Variants in TANC2 observed in about 807,000 individuals in gnomAD.
The protein encoded by TANC2 is tetratricopeptide repeat, ankyrin repeat and coiled-coil containing 2, also known as protein TANC2.
Under a neutral mutation model 210.5 loss-of-function variants are expected in TANC2, and 26 were observed. That is an observed-to-expected ratio of 0.12 (90% CI 0.09 to 0.17). The LOEUF (loss-of-function observed/expected upper bound fraction) is 0.17, where lower values mean the gene tolerates loss of function less well. Among genes scored for constraint, TANC2 ranks in the 10% least tolerant of loss-of-function variants. The probability of loss-of-function intolerance (pLI) is 1.00; values close to 1 mark genes in which losing one functional copy is unlikely to be tolerated. For synonymous variants in TANC2, 931 were observed against 967.1 expected, an observed-to-expected ratio of 0.96 and a Z score of 0.69; for missense variants, 2,129 against 2,608.9, an observed-to-expected ratio of 0.82 and a Z score of 4.01.
In TANC2 at chr17:63,050,202, T is replaced by TA. The variant is rs371775053; in HGVS notation, c.68-23739dup. 1.4e-3 allele frequency among the ~76,000 whole-genome samples: 207 copies of TA among 151,778 alleles called. 1 individual carries two copies. The highest frequency in any genetic ancestry group is 4.8e-3 in the African/African-American group (200 of 41,410). On this transcript the variant is annotated intron_variant, in intron 2 of 27. Coordinates refer to ENST00000689528, the Ensembl canonical transcript of TANC2. ...CCCCATCTTAAAGGGGCCTTAAGCATAACCTCCAAAATAAAAATTAGCCAG... is the reference window on the plus strand; with the variant it reads ...CCCCATCTTAAAGGGGCCTTAAGCATAAACCTCCAAAATAAAAATTAGCCAG...
intron 4 of TANC2, among the ~76,000 whole-genome samples, chr17:63,138,690 C>G (rs964161990): frequency 2.6e-5 from 4 of 152,106 alleles, no homozygotes; most frequent in Non-Finnish European, 5.9e-5. Context: ...ATTTTTCTTT[C>G]TGTGCCAGGT....
intron 5 of TANC2, among the ~76,000 whole-genome samples, chr17:63,182,998 A>G (rs371155739): frequency 7.2e-4 from 109 of 152,360 alleles, no homozygotes; most frequent in African/African-American, 2.5e-3. Flanking sequence ...AATCTAGAGT[A>G]TTTATAAACA....
exon 28 of TANC2, chr17:63,424,114 T>G (rs1180297840): frequency 1.3e-5 from 2 of 152,220 alleles, no homozygotes; most frequent in Non-Finnish European, 2.9e-5. Context: ...GTCAGGAAAG[T>G]GCTCCTGCTC....
chr17:63,420,492 C>A lies in TANC2; in HGVS notation c.4762C>A (p.His1588Asn). The A allele has an allele frequency of 6.2e-7, 1 of 1,613,984 alleles. No individual in the cohort carries two copies. The highest frequency in any genetic ancestry group is 8.5e-7 in the Non-Finnish European group (1 of 1,179,856). The change falls in exon 28 of 28, where the codon CAC becomes AAC. Residue 1588 changes from histidine (H) to asparagine (N), a missense_variant. Physicochemically the swap from His to Asn is moderately conservative, Grantham distance 68. Around this residue, in one of 5 missense-constraint regions of TANC2, gnomAD observed 584 missense variants for 627.3 expected, o/e 0.93. Transcript: ENST00000689528. This position sits in a 1 kb window ranked among gnomAD's most constrained non-coding sequence, Gnocchi z 4.2. ...CTCACATTACAGGCCTAGCCCACCA[C>A]ACACTTCCCCGGCTCATCAGGGAGG... is the stretch of plus-strand genomic sequence containing the variant.
At chr17:63,365,392 T>G (rs2047080873) in intron 14 of TANC2, among the ~76,000 whole-genome samples, 1 of 152,168 alleles carries the variant, frequency 6.6e-6, no homozygotes, top group South Asian at 2.1e-4. Context: ...TCTCTCATGA[T>G]CATAATGACC....
chr17:63,182,237 A>G, intron 5 of TANC2: 1 of 178,024 alleles, frequency 5.6e-6, no homozygotes, highest in South Asian at 1.3e-4. Context: ...CAAGGTTATT[A>G]AAGAGGCATA....
chr17:63,249,911 A>G (rs1017915634), intron 8 of TANC2, among the ~76,000 whole-genome samples: 2 of 152,194 alleles, frequency 1.3e-5, no homozygotes, highest in Non-Finnish European at 2.9e-5. Context: ...AAACAATTCA[A>G]ACTGTCTTCC....
intron 2 of TANC2, among the ~76,000 whole-genome samples, chr17:63,013,968 A>T: frequency 6.6e-6 from 1 of 151,164 alleles, no homozygotes; most frequent in East Asian, 1.9e-4. Flanking sequence ...ATCATCTCTG[A>T]CTCTTAACAT....
chr17:63,353,029 G>T (rs779820155), intron 13 of TANC2, among the ~76,000 whole-genome samples: 1 of 152,090 alleles, frequency 6.6e-6, no homozygotes, highest in African/African-American at 2.4e-5. Flanking sequence ...GTTTTAGATA[G>T]GATATATAGG....
chr17:63,299,113 T>TA (rs1329795676), intron 9 of TANC2, among the ~76,000 whole-genome samples: 1 of 152,230 alleles, frequency 6.6e-6, no homozygotes, highest in East Asian at 1.9e-4. Context: ...CATTCTTTTT[T>TA]ATGGCTGCAT....
At chr17:63,010,729 G>A (rs554703441) in intron 2 of TANC2, among the ~76,000 whole-genome samples, 2 of 152,148 alleles carry the variant, frequency 1.3e-5, no homozygotes, top group Admixed American at 6.5e-5. Context: ...TTGTTAGAAT[G>A]GTGCACACAA....
chr17:63,097,850 A>G (rs962163582), intron 3 of TANC2, among the ~76,000 whole-genome samples: 4 of 152,152 alleles, frequency 2.6e-5, no homozygotes, highest in Admixed American at 2.0e-4. Flanking sequence ...TGTCATATCT[A>G]AGAATCTATT....
chr17:63,252,696 T>G (rs1372777163), intron 8 of TANC2, among the ~76,000 whole-genome samples: 1 of 152,230 alleles, frequency 6.6e-6, no homozygotes, highest in Non-Finnish European at 1.5e-5. Flanking sequence ...TCTGGTTCTA[T>G]CCATGTTGCT....
At chr17:63,252,126 T>C (rs901184807) in intron 8 of TANC2, among the ~76,000 whole-genome samples, 2 of 152,188 alleles carry the variant, frequency 1.3e-5, no homozygotes, top group Admixed American at 6.5e-5. Context: ...TATTATTTAA[T>C]TGGAATATGT....
At chr17:63,243,981 A>G (rs1397320423) in intron 8 of TANC2, among the ~76,000 whole-genome samples, 1 of 152,162 alleles carries the variant, frequency 6.6e-6, no homozygotes, top group African/African-American at 2.4e-5. Context: ...TTTTAATATT[A>G]AGAAACAAAA....
chr17:63,328,374 ATATG>A, intron 11 of TANC2, among the ~76,000 whole-genome samples: 2 of 121,354 alleles, frequency 1.6e-5, no homozygotes, highest in Non-Finnish European at 3.3e-5. Context: ...GTGTATGTGT[ATATG>A]TGTGTGTGTG....
chr17:63,351,137 C>G (rs547075415), intron 12 of TANC2, 113 bp from the exon 13 acceptor site: 2 of 961,076 alleles, frequency 2.1e-6, no homozygotes, highest in South Asian at 1.7e-5. Context: ...TCACTAAACA[C>G]ATGACAAGCC....
chr17:63,098,543 T>G (rs1461925418), intron 3 of TANC2, among the ~76,000 whole-genome samples: 1 of 115,726 alleles, frequency 8.6e-6, no homozygotes, highest in Admixed American at 8.7e-5. Context: ...ATGTAAAAAT[T>G]TATATATATA....
chr17:63,357,120 A>T (rs1331271023), intron 14 of TANC2, among the ~76,000 whole-genome samples: 1 of 152,240 alleles, frequency 6.6e-6, no homozygotes, highest in Non-Finnish European at 1.5e-5. Context: ...TAATACAAAG[A>T]ACTGGCAACT....
Sources: allele counts gnomAD v4.1 joint callset (sites outside exome capture counted in the v4.1 genomes callset), GRCh38; gene constraint gnomAD v4.1.1; regional missense constraint gnomAD v4.1.1; non-coding constraint Gnocchi (gnomAD v3.1); transcripts MANE v1.5; gene names NCBI Gene and HGNC (gene_info 2026-07-23, HGNC 2026-07-21).